GLIS3: variants seen among roughly 807,000 people sequenced by gnomAD.
GLIS3 encodes the protein zinc finger protein GLIS3.
In GLIS3, 53 loss-of-function variants were observed where a neutral mutation model predicts 78.6. The ratio of observed to expected loss-of-function variants is 0.67; its 90% confidence interval spans 0.54 to 0.85. The LOEUF (loss-of-function observed/expected upper bound fraction) is 0.85, where lower values mean the gene tolerates loss of function less well. Among genes scored for constraint, GLIS3 ranks in the 40% least tolerant of loss-of-function variants. GLIS3 has a pLI of 0.00. For synonymous variants in GLIS3, 684 were observed against 509.9 expected, an observed-to-expected ratio of 1.34 and a Z score of -4.60; for missense variants, 1,703 against 1,231.1, an observed-to-expected ratio of 1.38 and a Z score of -5.74.
chr9:4,470,968 A>C, the GLIS3 span, among the ~76,000 whole-genome samples: 1 of 151,808 alleles, frequency 6.6e-6, no homozygotes, highest in Admixed American at 6.6e-5. Context: ...ATAACAGACA[A>C]ACAGAGAGCC....
chr9:4,325,750 C>A (rs1225794921), intron 2 of GLIS3, among the ~76,000 whole-genome samples: 1 of 151,954 alleles, frequency 6.6e-6, no homozygotes, highest in African/African-American at 2.4e-5. Flanking sequence ...TAATCTTGTT[C>A]ATGATGTGAA....
chr9:4,229,446 A>G (rs1822065534), intron 2 of GLIS3, among the ~76,000 whole-genome samples: 1 of 152,214 alleles, frequency 6.6e-6, no homozygotes, highest in Non-Finnish European at 1.5e-5. Flanking sequence ...AAAGAGCACA[A>G]CCTACTGGAA....
chr9:3,918,032 CTG>C (rs1462316540), intron 6 of GLIS3, among the ~76,000 whole-genome samples: 4 of 152,192 alleles, frequency 2.6e-5, no homozygotes, highest in African/African-American at 9.7e-5. Flanking sequence ...CATGAGATAA[CTG>C]ATGGCACTCA....
At chr9:3,893,063 C>G (rs1822568736) in intron 7 of GLIS3, among the ~76,000 whole-genome samples, 1 of 152,084 alleles carries the variant, frequency 6.6e-6, no homozygotes, top group African/African-American at 2.4e-5. Flanking sequence ...GGTATTAAGT[C>G]TACTTGTTTT....
chr9:4,186,487 G>C (rs1817809524), intron 2 of GLIS3, among the ~76,000 whole-genome samples: 1 of 151,932 alleles, frequency 6.6e-6, no homozygotes, highest in South Asian at 2.1e-4. Flanking sequence ...ATAGCAGCAT[G>C]ATTTATAATC....
chr9:3,861,766 C>T (rs1157351758), intron 8 of GLIS3, among the ~76,000 whole-genome samples: 4 of 152,138 alleles, frequency 2.6e-5, no homozygotes, highest in Non-Finnish European at 4.4e-5. Flanking sequence ...AGGGGAACAG[C>T]ACACACTGGG....
At chr9:4,028,357 A>G (rs1823524912) in intron 4 of GLIS3, among the ~76,000 whole-genome samples, 1 of 152,152 alleles carries the variant, frequency 6.6e-6, no homozygotes, top group African/African-American at 2.4e-5. Context: ...TGAAAAACCA[A>G]TTATCTTGTT....
intron 4 of GLIS3, among the ~76,000 whole-genome samples, chr9:4,057,772 C>T (rs1380578404): frequency 6.6e-6 from 1 of 151,948 alleles, no homozygotes; most frequent in African/African-American, 2.4e-5. Context: ...CACTTCTTGG[C>T]AAAGACATGA....
At chr9:4,283,268 TG>T (rs1280463598) in intron 2 of GLIS3, among the ~76,000 whole-genome samples, 981 of 65,246 alleles carry the variant, frequency 0.015, 8 homozygotes, top group African/African-American at 0.085. Context: ...TTTGTTTTTT[TG>T]TTTTTTTTTT....
At chr9:4,201,024 G>A (rs936595952) in intron 2 of GLIS3, among the ~76,000 whole-genome samples, 2 of 151,776 alleles carry the variant, frequency 1.3e-5, no homozygotes, top group Non-Finnish European at 2.9e-5. Flanking sequence ...TGCAAGATTG[G>A]TTCATCATAT....
chr9:4,211,590 G>A (rs550696280), intron 2 of GLIS3, among the ~76,000 whole-genome samples: 1 of 152,240 alleles, frequency 6.6e-6, no homozygotes, highest in Non-Finnish European at 1.5e-5. Context: ...ATGTAAAATG[G>A]TGAAGCAACT....
intron 4 of GLIS3, among the ~76,000 whole-genome samples, chr9:4,059,346 T>G (rs991339279): frequency 6.6e-6 from 1 of 152,234 alleles, no homozygotes; most frequent in African/African-American, 2.4e-5. Flanking sequence ...TCCTGGTTTT[T>G]GGCACCTCTG....
chr9:4,330,124 C>T (rs1379583985), intron 2 of GLIS3, among the ~76,000 whole-genome samples: 2 of 151,734 alleles, frequency 1.3e-5, no homozygotes, highest in Admixed American at 6.6e-5. Flanking sequence ...TCAGTGTAGA[C>T]TCCCAAAACC....
chr9:3,924,681 G>T (rs1332689182), intron 6 of GLIS3, among the ~76,000 whole-genome samples: 1 of 152,212 alleles, frequency 6.6e-6, no homozygotes, highest in Admixed American at 6.5e-5. Flanking sequence ...AGACAAGAGA[G>T]AACTACCAGA....
At chr9:4,481,685 T>C in the GLIS3 span, among the ~76,000 whole-genome samples, 1 of 152,200 alleles carries the variant, frequency 6.6e-6, no homozygotes, top group Non-Finnish European at 1.5e-5. Flanking sequence ...TTCACTTTAC[T>C]AGACAGTTAA....
the GLIS3 span, among the ~76,000 whole-genome samples, chr9:4,402,072 T>G: frequency 6.6e-6 from 1 of 152,102 alleles, no homozygotes; most frequent in Non-Finnish European, 1.5e-5. Context: ...CTCACCGTCT[T>G]AAAAGGAAAG....
intron 2 of GLIS3, among the ~76,000 whole-genome samples, chr9:4,215,865 T>C (rs1370118370): frequency 6.6e-6 from 1 of 152,202 alleles, no homozygotes; most frequent in Non-Finnish European, 1.5e-5. Flanking sequence ...CACTCAGTAG[T>C]TTTCAATATC....
At chr9:3,958,900 C>T (rs1198312146) in intron 4 of GLIS3, among the ~76,000 whole-genome samples, 1 of 152,138 alleles carries the variant, frequency 6.6e-6, no homozygotes, top group Non-Finnish European at 1.5e-5. Flanking sequence ...CGGAGGAAGC[C>T]ATAAGAGAAT....
chr9:4,240,954 AGTGTGT>A (rs3063675), intron 2 of GLIS3, among the ~76,000 whole-genome samples: 30 of 151,904 alleles, frequency 2.0e-4, no homozygotes, highest in African/African-American at 4.8e-4. Context: ...AATATGTATG[AGTGTGT>A]GTGTGTGTGT....
Sources: gnomAD v4.1 joint callset for allele counts (sites outside exome capture counted in the v4.1 genomes callset) on GRCh38, gnomAD v4.1.1 for gene constraint, MANE v1.5 for transcripts, NCBI Gene and HGNC (gene_info 2026-07-23, HGNC 2026-07-21) for gene names.